Variants in ZMYM3 observed in about 807,000 individuals in gnomAD.
ZMYM3 encodes zinc finger MYM-type containing 3, also known as zinc finger MYM-type protein 3.
A neutral mutation model predicts 94.2 loss-of-function variants in ZMYM3; 6 were observed. The observed-to-expected ratio is 0.06, with a 90% CI of 0.03 to 0.13. ZMYM3 has a LOEUF of 0.13. Ranked by LOEUF, ZMYM3 falls within the 10% of genes least tolerant of loss-of-function variation. ZMYM3 has a pLI of 1.00. For synonymous variants in ZMYM3, 420 were observed against 426.5 expected, an observed-to-expected ratio of 0.98 and a Z score of 0.19; for missense variants, 664 against 1,132.6, an observed-to-expected ratio of 0.59 and a Z score of 5.94.
chrX:71,244,636 G>T (rs770431628), intron 19 of ZMYM3, among the ~76,000 whole-genome samples, 154 bp downstream of exon 19: 2 of 111,589 alleles, frequency 1.8e-5, no homozygotes, highest in Non-Finnish European at 3.8e-5. Flanking sequence ...CTTGTGAGAT[G>T]GGGGGAGAGC....
Position 71,245,813 on chromosome X carries a change from G to A in ZMYM3, c.2715C>T (p.Thr905=). The change falls in exon 17 of 25, where the codon ACC becomes ACT. Residue 905 remains threonine (T), a synonymous_variant. Transcript: ENST00000314425. ...PVPVPMFLPT[T]LESTDKIVET... Reference sequence around the variant, plus strand: ...CTACAATCTTGTCTGTGCTCTCCAAGGTAGTGGGCAAGAACATGGGCACAG... The same window carrying A: ...CTACAATCTTGTCTGTGCTCTCCAAAGTAGTGGGCAAGAACATGGGCACAG... 5.0e-6 allele frequency: 6 copies of A among 1,211,188 alleles called. No homozygotes were observed. Among genetic ancestry groups the A allele is most frequent in the Non-Finnish European group, 5.6e-6 (5 of 895,269 alleles).
intron 17 of ZMYM3, 40 bp from the exon 18 acceptor site, chrX:71,245,525 T>C: frequency 8.5e-7 from 1 of 1,181,049 alleles, no homozygotes; most frequent in Non-Finnish European, 1.1e-6. Context: ...TACAAGCTCC[T>C]GCTAGCACCC....
intron 18 of ZMYM3, 28 bp downstream of exon 18, chrX:71,245,311 C>G: frequency 8.3e-7 from 1 of 1,206,542 alleles, no homozygotes; most frequent in South Asian, 1.8e-5. Flanking sequence ...CTACCATACT[C>G]AGTGGGCATG....
rs1391094342 is a variant in ZMYM3 at position 71,244,372 on chromosome X, A to G, written c.3210T>C (p.Ala1070=). Residue 1070 remains alanine (A), a synonymous_variant, in exon 20 of 25, where the codon GCT becomes GCC. Transcript: ENST00000314425. ...ATTTTGACTGCACCCAGCACTTCCA[A>G]GCATTGACACCATATGAATAGTTGA... ...TGLNYSYGVN[A]WKCWVQSKYA... is the part of the protein sequence containing the mutation. The G allele has an allele frequency of 3.3e-6, 4 of 1,208,770 alleles. No homozygotes were observed. The Admixed American group carries it at 8.8e-5, about 27-fold the overall frequency.
chrX:71,242,454 AGGAG>A (rs761498782), intron 22 of ZMYM3, 30 bp from the exon 23 acceptor site: 1 of 1,202,888 alleles, frequency 8.3e-7, no homozygotes, highest in Admixed American at 2.2e-5. Flanking sequence ...GAGGCCAGTC[AGGAG>A]GGAGTGGCTA....
At position 71,241,116 on chromosome X, in the gene ZMYM3, A is replaced by G. The variant is rs2029922965; in HGVS notation, c.3921-8T>C. On this transcript the variant is annotated splice_polypyrimidine_tract_variant and splice_region_variant and intron_variant, in intron 24 of 24. Transcript: ENST00000314425. ...GTCCGGAGGCTTTCAGGACTGCAAC[A>G]TCGGGGGTGGGAGTGGGAGTGGGGG... 2 of 1,204,179 alleles carry G rather than the reference A, an allele frequency of 1.7e-6. No homozygotes were observed. The highest frequency in any genetic ancestry group is 1.1e-6 in the Non-Finnish European group (1 of 890,445).
upstream of ZMYM3, chrX:71,255,233 T>C (rs921674752): frequency 9.6e-6 from 1 of 104,661 alleles, no homozygotes; most frequent in African/African-American, 3.5e-5. Context: ...TCTCTCCCCC[T>C]ATCTCTTTTT....
chrX:71,248,364 C>T (rs1397515239), intron 10 of ZMYM3, 52 bp from the exon 11 acceptor site: 4 of 1,192,085 alleles, frequency 3.4e-6, no homozygotes, highest in Admixed American at 2.3e-5. Flanking sequence ...CTGGCCCCAG[C>T]AGGGGCCAAG....
intron 3 of ZMYM3, 135 bp from the exon 4 acceptor site, chrX:71,251,379 G>A (rs2030463398): frequency 1.1e-6 from 1 of 909,588 alleles, no homozygotes; most frequent in Non-Finnish European, 1.5e-6. Context: ...CTTAGGAGGA[G>A]GGAAGAAAAG....
intron 11 of ZMYM3, 25 bp from the exon 12 acceptor site, chrX:71,247,931 G>C: frequency 8.6e-7 from 1 of 1,166,103 alleles, no homozygotes; most frequent in Non-Finnish European, 1.1e-6. Context: ...AGAGGAAAGA[G>C]AGTCCAGAGA....
rs1420170568 is a variant in ZMYM3 at position 71,242,181 on chromosome X, C to T, written c.3791G>A (p.Arg1264Lys). 8.4e-7 allele frequency: 1 copy of T among 1,186,081 alleles called. No individual in the cohort carries two copies. Among genetic ancestry groups the T allele is most frequent in the Non-Finnish European group, 1.1e-6 (1 of 882,473 alleles). ...SIRYYAPVRQ[R>K]KGRDTGPGKR... The stretch of plus-strand genomic sequence containing the variant: ...GGGCAGCCTCGTACCTCGCCCTTTC[C>T]TCTGGCGGACTGGGGCATAGTAGCG... The change falls in exon 23 of 25, where the codon AGG (arginine) becomes AAG (lysine). Residue 1264 changes from arginine (R) to lysine (K), a missense_variant. By Grantham distance (26) the Arg-to-Lys change is conservative (BLOSUM62 2). Transcript: ENST00000314425.
intron 19 of ZMYM3, 148 bp from the exon 20 acceptor site, chrX:71,244,618 T>C (rs893473891): frequency 1.9e-4 from 155 of 835,060 alleles, no homozygotes; most frequent in Non-Finnish European, 2.6e-4. Flanking sequence ...AGGAACAGCT[T>C]TGATGACCTT....
intron 2 of ZMYM3, 67 bp from the exon 3 acceptor site, chrX:71,251,668 C>T: frequency 9.1e-7 from 1 of 1,102,545 alleles, no homozygotes; most frequent in Non-Finnish European, 1.2e-6. Flanking sequence ...CCGGCCCAAC[C>T]CCCGCCTCCA....
rs757997562 is a variant in ZMYM3, at chrX:71,252,743, G to T, written c.513C>A (p.Gly171=). 1.5e-5 allele frequency: 18 copies of T among 1,209,326 alleles called. No individual in the cohort carries two copies. In the South Asian group the frequency reaches 3.0e-4, roughly 20 times the overall value. The change falls in exon 2 of 25, where the codon GGC becomes GGA. Residue 171 remains glycine, a synonymous_variant. Coordinates refer to ENST00000314425, the MANE Select transcript of ZMYM3 (RefSeq NM_201599.3). ...ETTSIATARR[G]SPGQEEELPQ... ...GAAGCTCCTCCTCCTGCCCAGGGGA[G>T]CCCCTTCTTGCAGTAGCTATGGAGG...
At chrX:71,251,982 G>A in intron 2 of ZMYM3, 1 of 476,562 alleles carries the variant, frequency 2.1e-6, no homozygotes, top group Non-Finnish European at 2.6e-6. Context: ...GCTTCCCCTG[G>A]ATTCAGGTGG....
At chrX:71,253,488 C>A (rs2030603255) in intron 1 of ZMYM3, among the ~76,000 whole-genome samples, 1 of 102,407 alleles carries the variant, frequency 9.8e-6, no homozygotes, top group South Asian at 4.9e-4. Context: ...CCGCCCTGGC[C>A]CCGTGCCCAC....
rs763113059 is a variant in ZMYM3, at chrX:71,251,547, C to T, written c.711+11G>A. Reference sequence around the variant, plus strand: ...GGGGAACCAGACTCCTTCCAATCCCCTCCCCCTCACCCGTTCAGGCGGCTT... The same window carrying T: ...GGGGAACCAGACTCCTTCCAATCCCTTCCCCCTCACCCGTTCAGGCGGCTT... On this transcript the variant is annotated intron_variant, in intron 3 of 24. Coordinates refer to ENST00000314425, the MANE Select transcript of ZMYM3 (RefSeq NM_201599.3). The T allele has an allele frequency of 8.4e-7, 1 of 1,187,757 alleles. No homozygotes were observed. The highest frequency in any genetic ancestry group is 3.1e-5 in the East Asian group (1 of 32,127).
In ZMYM3 at chrX:71,243,661, G is replaced by A. The variant is rs2030039819; in HGVS notation, c.3432+168C>T. The stretch of plus-strand genomic sequence containing the variant: ...TTGGGTAGATGGGTATCACTTTGTT[G>A]CCCAGGCTGGTCTCAAACTCCTGGC... On this transcript the variant is annotated intron_variant, in intron 21 of 24. Transcript: ENST00000314425. 5 of 531,184 alleles carry A rather than the reference G, an allele frequency of 9.4e-6. No homozygotes were observed. The South Asian group carries it at 2.4e-4, about 25-fold the overall frequency. 43.8% of individuals were successfully genotyped at this position (531,184 alleles called of 1,213,427 possible).
chrX:71,250,891 G>A (rs945775358), intron 4 of ZMYM3, among the ~76,000 whole-genome samples, 165 bp from the exon 5 acceptor site: 5 of 111,375 alleles, frequency 4.5e-5, no homozygotes, highest in Non-Finnish European at 9.4e-5. Flanking sequence ...CTCTCCCTTG[G>A]TTACTCTGTA....
Sources: gnomAD v4.1 joint callset for allele counts (sites outside exome capture counted in the v4.1 genomes callset) on GRCh38, gnomAD v4.1.1 for gene constraint, MANE v1.5 for transcripts, NCBI Gene and HGNC (gene_info 2026-07-23, HGNC 2026-07-21) for gene names.